GPATCH2: variants seen among roughly 807,000 people sequenced by gnomAD.
The protein encoded by GPATCH2 is G-patch domain containing 2.
GPATCH2 carries 51 observed loss-of-function variants against 58.0 expected under a neutral mutation model. That is an observed-to-expected ratio of 0.88 (90% CI 0.70 to 1.11). The LOEUF is 1.11. Ranked by LOEUF, GPATCH2 falls within the 50% of genes most tolerant of loss-of-function variation. The pLI, the probability that GPATCH2 is intolerant of heterozygous loss-of-function variation, is 0.00. For synonymous variants in GPATCH2, 222 were observed against 218.5 expected (o/e 1.02, Z -0.14); for missense variants, 625 against 652.2 (o/e 0.96, Z 0.45).
At chr1:217,463,641 CAAAAAAAAAAAAA>C (rs201402598) in intron 8 of GPATCH2, among the ~76,000 whole-genome samples, 60 of 82,474 alleles carry the variant, frequency 7.3e-4, no homozygotes, top group Non-Finnish European at 8.2e-4. Context: ...CTTATCACTC[CAAAAAAAAAAAAA>C]AAAAAAAAAA....
chr1:217,592,138 A>G (rs1456842676), intron 5 of GPATCH2, among the ~76,000 whole-genome samples: 2 of 152,012 alleles, frequency 1.3e-5, no homozygotes, highest in African/African-American at 2.4e-5. Flanking sequence ...AGCCCAAATA[A>G]TTAATTCTAC....
At chr1:217,606,430 C>T (rs1212505307) in intron 5 of GPATCH2, among the ~76,000 whole-genome samples, 2 of 151,922 alleles carry the variant, frequency 1.3e-5, no homozygotes, top group African/African-American at 4.8e-5. Flanking sequence ...ATATAAAGTG[C>T]TTTAAATATT....
chr1:217,464,699 A>G lies in GPATCH2; in HGVS notation c.1278-15362T>C. Among the ~76,000 whole-genome samples, 2 of 152,228 alleles carry G rather than the reference A, an allele frequency of 1.3e-5. 1 individual carries two copies. Among genetic ancestry groups the G allele is most frequent in the East Asian group, 3.8e-4 (2 of 5,198 alleles). On this transcript the variant is annotated intron_variant, in intron 8 of 9. Coordinates refer to ENST00000366935, the MANE Select transcript of GPATCH2 (RefSeq NM_018040.5). ...TAATAAAAATATTGAGAGGAATACAAGAGGCAGATATTGGAAAATATGAGG... is the reference window on the plus strand; with the variant it reads ...TAATAAAAATATTGAGAGGAATACAGGAGGCAGATATTGGAAAATATGAGG...
intron 5 of GPATCH2, among the ~76,000 whole-genome samples, chr1:217,606,230 G>A (rs1668356280): frequency 6.6e-6 from 1 of 151,060 alleles, no homozygotes; most frequent in African/African-American, 2.4e-5. Flanking sequence ...AATGATGGAG[G>A]GAGAAGGCCT....
chr1:217,609,637 C>T, intron 5 of GPATCH2: 1 of 978,782 alleles, frequency 1.0e-6, no homozygotes, highest in Non-Finnish European at 1.2e-6. Context: ...TCATCTTAGC[C>T]CTTGTTAAAA....
intron 5 of GPATCH2, among the ~76,000 whole-genome samples, chr1:217,606,520 G>T (rs1319422923): frequency 5.3e-5 from 8 of 152,002 alleles, no homozygotes. Flanking sequence ...CACTCTGAGA[G>T]GCTTGAGCCC....
intron 8 of GPATCH2, among the ~76,000 whole-genome samples, chr1:217,457,921 C>T (rs1646537151): frequency 6.6e-6 from 1 of 152,144 alleles, no homozygotes; most frequent in South Asian, 2.1e-4. Context: ...CCATTTGGTA[C>T]TTTCTCTTCA....
chr1:217,581,015 C>CAAAAAA (rs761336891), intron 5 of GPATCH2, among the ~76,000 whole-genome samples: 4 of 26,232 alleles, frequency 1.5e-4, no homozygotes, highest in Non-Finnish European at 2.1e-4. Flanking sequence ...GACTCCGTCT[C>CAAAAAA]AAAAAAAAAA....
At position 217,485,833 on chromosome 1, in the gene GPATCH2, T is replaced by C. The variant is rs550297977; in HGVS notation, c.1277+5847A>G. On this transcript the variant is annotated intron_variant, in intron 8 of 9. Coordinates refer to ENST00000366935, the MANE Select transcript of GPATCH2 (RefSeq NM_018040.5). ...ACATGGGAAAGGTACAGTAAAAATA[T>C]GGTATTGTAATCTTCTGGGACCACT... is the stretch of plus-strand genomic sequence containing the variant. 1.8e-4 allele frequency among the ~76,000 whole-genome samples: 28 copies of C among 152,256 alleles called. No homozygotes were observed. In the South Asian group the frequency reaches 1.9e-3, roughly 10 times the overall value.
intron 1 of GPATCH2, among the ~76,000 whole-genome samples, chr1:217,621,018 T>A (rs1485001059): frequency 2.6e-5 from 4 of 152,172 alleles, no homozygotes; most frequent in African/African-American, 7.2e-5. Context: ...TACGTGAAAG[T>A]TTAACCAACA....
intron 5 of GPATCH2, among the ~76,000 whole-genome samples, chr1:217,586,583 T>C (rs915876411): frequency 1.1e-4 from 17 of 152,210 alleles, no homozygotes; most frequent in African/African-American, 4.1e-4. Context: ...TGAGGCTGTT[T>C]TACGGTTACA....
At chr1:217,578,752 T>G (rs1378769488) in intron 5 of GPATCH2, among the ~76,000 whole-genome samples, 1 of 152,254 alleles carries the variant, frequency 6.6e-6, no homozygotes, top group Non-Finnish European at 1.5e-5. Context: ...AAGTCAAGTT[T>G]GAATTAATGG....
chr1:217,558,009 C>A (rs1424651592), intron 5 of GPATCH2, among the ~76,000 whole-genome samples: 1 of 151,930 alleles, frequency 6.6e-6, no homozygotes, highest in African/African-American at 2.4e-5. Context: ...TTTTTTTAAC[C>A]CCCTGACTTT....
At chr1:217,527,282 A>G (rs970634835) in intron 5 of GPATCH2, among the ~76,000 whole-genome samples, 10 of 152,122 alleles carry the variant, frequency 6.6e-5, no homozygotes, top group Non-Finnish European at 1.5e-4. Context: ...AAAGGTTGGA[A>G]AGCACTGGTT....
intron 6 of GPATCH2, 82 bp downstream of exon 6, chr1:217,514,740 T>A (rs901528894): frequency 1.6e-6 from 1 of 639,444 alleles, no homozygotes; most frequent in Admixed American, 2.5e-5. Flanking sequence ...TTAAATAAGC[T>A]TTACTAGTAG....
chr1:217,539,542 G>T (rs1664631913), intron 5 of GPATCH2, among the ~76,000 whole-genome samples: 1 of 152,154 alleles, frequency 6.6e-6, no homozygotes, highest in Admixed American at 6.5e-5. Flanking sequence ...CCCAATCAGT[G>T]CTGCACAATC....
At chr1:217,477,581 C>A (rs959731537) in intron 8 of GPATCH2, among the ~76,000 whole-genome samples, 3 of 152,120 alleles carry the variant, frequency 2.0e-5, no homozygotes, top group Non-Finnish European at 4.4e-5. Context: ...TGGCAATAGT[C>A]TGGCAGTACT....
intron 5 of GPATCH2, among the ~76,000 whole-genome samples, chr1:217,527,606 A>C (rs1663980106): frequency 1.3e-5 from 2 of 152,140 alleles, no homozygotes; most frequent in Non-Finnish European, 2.9e-5. Context: ...AACAAAACAA[A>C]ACAAAACAAA....
At chr1:217,434,800 CAGGG>C (rs1325327019) in intron 9 of GPATCH2, among the ~76,000 whole-genome samples, 1 of 152,060 alleles carries the variant, frequency 6.6e-6, no homozygotes, top group African/African-American at 2.4e-5. Flanking sequence ...CAGGGTAGCC[CAGGG>C]GTGACCACCA....
Sources: gnomAD v4.1 joint callset for allele counts (sites outside exome capture counted in the v4.1 genomes callset) on GRCh38, gnomAD v4.1.1 for gene constraint, MANE v1.5 for transcripts, NCBI Gene and HGNC (gene_info 2026-07-23, HGNC 2026-07-21) for gene names.